The following OTOG variants were observed in gnomAD, a reference collection of about 807,000 sequenced individuals.
OTOG encodes the protein otogelin.
OTOG carries 296 observed loss-of-function variants against 313.8 expected under a neutral mutation model. The observed-to-expected ratio is 0.94, with a 90% CI of 0.86 to 1.04. OTOG has a LOEUF of 1.04. Ranked by LOEUF, OTOG falls within the 50% of genes least tolerant of loss-of-function variation. The pLI is 0.00. For synonymous variants in OTOG, 1,533 were observed against 1,554.9 expected, an observed-to-expected ratio of 0.99 and a Z score of 0.33; for missense variants, 3,948 against 3,840.1, an observed-to-expected ratio of 1.03 and a Z score of -0.74.
Position 17,576,559 on chromosome 11 carries a change from C to T in OTOG, c.2490C>T (p.Asn830=). 1 of 1,550,182 alleles carries T rather than the reference C, an allele frequency of 6.5e-7. No individual in the cohort carries two copies. Among genetic ancestry groups the T allele is most frequent in the Non-Finnish European group, 8.7e-7 (1 of 1,146,624 alleles). The part of the protein sequence containing the change: ...DTQADLCVPR[N]QCSCHFQGVD... ...CTTTGCTCCCATTTTTTTATAGGAACCAGTGCTCCTGCCACTTCCAGGGAG... is the reference window on the plus strand; with the variant it reads ...CTTTGCTCCCATTTTTTTATAGGAATCAGTGCTCCTGCCACTTCCAGGGAG... The change falls in exon 21 of 56, where the codon AAC becomes AAT. Residue 830 remains asparagine, a synonymous_variant. Transcript: ENST00000399397.
chr11:17,602,456 A>G lies in OTOG; in HGVS notation c.3877+79A>G, dbSNP rs567230133. The stretch of plus-strand genomic sequence containing the variant: ...GAGGAGGGGAGGGTGCTGAGGCCCT[A>G]AGTATCTGTAGTGGCCGGAGAAATA... On this transcript the variant is annotated intron_variant, in intron 32 of 55. Transcript: ENST00000399397. 479 of 1,449,898 alleles carry G rather than the reference A, an allele frequency of 3.3e-4. 4 individuals carry two copies. The South Asian group carries it at 5.2e-3, about 16-fold the overall frequency. 89.8% of individuals were successfully genotyped at this position (1,449,898 alleles called of 1,614,324 possible).
rs1205596557 is a variant in OTOG at position 17,610,918 on chromosome 11, C to T, written c.5618C>T (p.Ala1873Val). The change falls in exon 36 of 56, where the codon GCT becomes GTT. Residue 1873 changes from alanine (A) to valine (V), a missense_variant. Transcript: ENST00000399397. ...THIAPPAAGT[A>V]PGLLLGATLP... ...ATAGCACCCCCAGCAGCAGGCACAG[C>T]TCCAGGCCTGCTGCTGGGAGCCACA... 10 of 1,550,416 alleles carry T rather than the reference C, an allele frequency of 6.4e-6. No individual in the cohort carries two copies. The highest frequency in any genetic ancestry group is 2.4e-5 in the East Asian group (1 of 40,924).
intron 38 of OTOG, among the ~76,000 whole-genome samples, chr11:17,613,110 T>A (rs1853603864): frequency 6.6e-6 from 1 of 152,206 alleles, no homozygotes; most frequent in South Asian, 2.1e-4. Flanking sequence ...GGGAATCTCC[T>A]ACTAGGATGT....
At position 17,612,292 on chromosome 11, in the gene OTOG, T is replaced by C. The variant is rs1465926355; in HGVS notation, c.6254T>C (p.Val2085Ala). 1.3e-6 allele frequency: 2 copies of C among 1,541,490 alleles called. No individual in the cohort carries two copies. The highest frequency in any genetic ancestry group is 3.9e-5 in the Admixed American group (2 of 50,930). The stretch of plus-strand genomic sequence containing the variant: ...GGGATCCTGGGCCTCGCCGTGCGGG[T>C]GGGTGGGGACCGCTGCTGCCCACTC... The part of the protein sequence containing the change: ...RCGILGLAVR[V>A]GGDRCCPLWE... The change falls in exon 37 of 56, where the codon GTG becomes GCG. Residue 2085 changes from valine (V) to alanine (A), a missense_variant. Val to Ala is a moderately conservative substitution (Grantham distance 64). Transcript: ENST00000399397.
In OTOG at chr11:17,609,973, T is replaced by TCCTGGCCATCCC; in HGVS notation, c.4676_4687dup (p.Leu1559_Pro1562dup). ...GCCAGCAAGGGAGTGACTGCCAGCC[T>TCCTGGCCATCCC]CCTGGCCATCCCCCATACACCAGAG... On this transcript the variant is annotated inframe_insertion, in exon 36 of 56. Coordinates refer to ENST00000399397, the MANE Select transcript of OTOG (RefSeq NM_001292063.2). 3 of 1,542,894 alleles carry TCCTGGCCATCCC rather than the reference T, an allele frequency of 1.9e-6. No individual in the cohort carries two copies. The highest frequency in any genetic ancestry group is 2.6e-6 in the Non-Finnish European group (3 of 1,142,180).
At chr11:17,570,626 C>T (rs1003580713) in intron 17 of OTOG, 16 of 413,764 alleles carry the variant, frequency 3.9e-5, no homozygotes, top group Non-Finnish European at 6.4e-5. Context: ...TCCTGAGTCC[C>T]GCTCCCCAGG....
chr11:17,569,599 A>G (rs1270901204), intron 16 of OTOG, among the ~76,000 whole-genome samples: 1 of 152,210 alleles, frequency 6.6e-6, no homozygotes, highest in African/African-American at 2.4e-5. Context: ...TGATTCCACA[A>G]GGAACTTATG....
chr11:17,551,501 T>A (rs1020910385), intron 3 of OTOG, among the ~76,000 whole-genome samples: 2 of 151,994 alleles, frequency 1.3e-5, no homozygotes, highest in African/African-American at 4.8e-5. Flanking sequence ...GGGCTGCTGG[T>A]TTTGCTGTTC....
intron 6 of OTOG, 49 bp from the exon 7 acceptor site, chr11:17,555,730 C>T: frequency 6.9e-7 from 1 of 1,450,680 alleles, no homozygotes; most frequent in Non-Finnish European, 9.4e-7. Flanking sequence ...AGCTCAGGGT[C>T]AGGCCTGTGG....
rs377287647 is a variant in OTOG at position 17,632,021 on chromosome 11, G to T, written c.6934-67G>T. On this transcript the variant is annotated intron_variant, in intron 41 of 55. Transcript: ENST00000399397. ...GCTCATTGTTCCTTTTGGGCAGGGAGGGGAGGAGCTGGGCACTGGGATATG... is the reference window on the plus strand; with the variant it reads ...GCTCATTGTTCCTTTTGGGCAGGGATGGGAGGAGCTGGGCACTGGGATATG... The T allele has an allele frequency of 2.0e-5, 31 of 1,541,304 alleles. No individual in the cohort carries two copies. In the African/African-American group the frequency reaches 3.4e-4, roughly 17 times the overall value.
In OTOG at chr11:17,581,347, T is replaced by C. The variant is rs114874066; in HGVS notation, c.2759+2821T>C. Among the ~76,000 whole-genome samples the C allele has an allele frequency of 5.0e-3, 757 of 152,254 alleles. 6 individuals carry two copies. The highest frequency in any genetic ancestry group is 0.017 in the African/African-American group (707 of 41,540). On this transcript the variant is annotated intron_variant, in intron 23 of 55. Transcript: ENST00000399397. ...TCAAGAGAAACCAAATCAGAGACTTTGGCCTTGTAGGCACCAGGAGGGGTG... is the reference window on the plus strand; with the variant it reads ...TCAAGAGAAACCAAATCAGAGACTTCGGCCTTGTAGGCACCAGGAGGGGTG...
chr11:17,639,530 C>T lies in OTOG; in HGVS notation c.7935+67C>T. 1.3e-5 allele frequency: 20 copies of T among 1,482,172 alleles called. No homozygotes were observed. In the Middle Eastern group the frequency reaches 6.8e-4, roughly 51 times the overall value. 91.8% of individuals were successfully genotyped at this position (1,482,172 alleles called of 1,614,324 possible). ...CCTTTCCTTTCCTCTCTATCCCCTC[C>T]TCTAGAGAATCTGCTCCTTTAATCT... On this transcript the variant is annotated intron_variant, in intron 49 of 55. Coordinates refer to ENST00000399397, the MANE Select transcript of OTOG (RefSeq NM_001292063.2).
intron 20 of OTOG, among the ~76,000 whole-genome samples, chr11:17,575,808 A>G (rs1852509580): frequency 6.6e-6 from 1 of 152,148 alleles, no homozygotes; most frequent in Admixed American, 6.5e-5. Flanking sequence ...AGTGTTGCCA[A>G]CGAAAGGGGT....
At chr11:17,645,469 T>C in intron 54 of OTOG, 95 bp from the exon 55 acceptor site, 1 of 1,177,204 alleles carries the variant, frequency 8.5e-7, no homozygotes, top group South Asian at 1.5e-5. Context: ...AGAGAGACCC[T>C]CCAGCATGAC....
chr11:17,602,255 G>A lies in OTOG; in HGVS notation c.3755G>A (p.Gly1252Asp). 6.4e-7 allele frequency: 1 copy of A among 1,550,612 alleles called. No homozygotes were observed. Among genetic ancestry groups the A allele is most frequent in the Admixed American group, 2.0e-5 (1 of 51,012 alleles). ...PYQLSSLAAG[G>D]ALVGMKAVGD... ...CAGCTATCCAGCTTGGCAGCCGGTG[G>A]TGCTCTGGTGGGCATGAAGGCGGTG... Residue 1252 changes from glycine to aspartate, a missense_variant, in exon 32 of 56, where the codon GGT becomes GAT. Gly to Asp is a moderately conservative substitution (Grantham distance 94). Coordinates refer to ENST00000399397, the MANE Select transcript of OTOG (RefSeq NM_001292063.2).
intron 23 of OTOG, among the ~76,000 whole-genome samples, chr11:17,582,035 T>C (rs1402491709): frequency 6.6e-6 from 1 of 152,222 alleles, no homozygotes; most frequent in Non-Finnish European, 1.5e-5. Flanking sequence ...TAGTATTCCA[T>C]TGTATGAATA....
intron 39 of OTOG, among the ~76,000 whole-genome samples, chr11:17,616,178 C>G (rs1853714529): frequency 6.6e-6 from 1 of 151,980 alleles, no homozygotes; most frequent in African/African-American, 2.4e-5. Flanking sequence ...CCCACCTCAG[C>G]CTCCCAAGTA....
At chr11:17,590,777 A>G (rs7116763) in intron 24 of OTOG, among the ~76,000 whole-genome samples, 1,959 of 152,220 alleles carry the variant, frequency 0.013, 50 homozygotes, top group African/African-American at 0.045. Context: ...TTGTCTCCCG[A>G]GTGTTCCCCA....
intron 29 of OTOG, 70 bp from the exon 30 acceptor site, chr11:17,596,781 A>T: frequency 7.2e-7 from 1 of 1,392,798 alleles, no homozygotes; most frequent in Non-Finnish European, 9.9e-7. Flanking sequence ...GCTGGTCGTC[A>T]TCAGCTGAAA....
Sources: gnomAD v4.1 joint callset for allele counts (sites outside exome capture counted in the v4.1 genomes callset) on GRCh38, gnomAD v4.1.1 for gene constraint, MANE v1.5 for transcripts, NCBI Gene and HGNC (gene_info 2026-07-23, HGNC 2026-07-21) for gene names.